Variants in NYAP2 observed in about 807,000 individuals in gnomAD.
NYAP2 encodes neuronal tyrosine-phosphorylated phosphoinositide-3-kinase adaptor 2, also known as neuronal tyrosine-phosphorylated phosphoinositide-3-kinase adapter 2.
Under a neutral mutation model 50.4 loss-of-function variants are expected in NYAP2, and 23 were observed. The observed-to-expected ratio is 0.46, with a 90% CI of 0.33 to 0.65. The LOEUF is 0.65. Among genes scored for constraint, NYAP2 ranks in the 30% least tolerant of loss-of-function variants. The pLI is 0.02. For missense variants in NYAP2, 885 were observed against 861.0 expected, an observed-to-expected ratio of 1.03 and a Z score of -0.35; for synonymous variants, 394 against 365.2, an observed-to-expected ratio of 1.08 and a Z score of -0.90.
intron 4 of NYAP2, among the ~76,000 whole-genome samples, chr2:225,571,557 G>T (rs532563554): frequency 1.3e-5 from 2 of 152,200 alleles, no homozygotes; most frequent in Non-Finnish European, 2.9e-5. Context: ...CAATGGCCGA[G>T]TTGTACCTTG....
At chr2:225,595,498 C>T (rs551011863) in intron 5 of NYAP2, among the ~76,000 whole-genome samples, 217 of 151,990 alleles carry the variant, frequency 1.4e-3, no homozygotes, top group Non-Finnish European at 2.6e-3. Context: ...ATTCTTTTGA[C>T]CATTAGTTAT....
chr2:225,529,730 C>T (rs144521922), intron 4 of NYAP2, among the ~76,000 whole-genome samples: 2,051 of 151,458 alleles, frequency 0.014, 55 homozygotes, highest in African/African-American at 0.048. Context: ...TTTTTTGAGA[C>T]GGAGTCTCAC....
chr2:225,416,748 A>C (rs1281942502), intron 3 of NYAP2, among the ~76,000 whole-genome samples: 1 of 152,098 alleles, frequency 6.6e-6, no homozygotes, highest in Admixed American at 6.6e-5. Context: ...CCTAGCACTT[A>C]TTTTACATTT....
In NYAP2 at chr2:225,535,833, C is replaced by T. The variant is rs1691339852; in HGVS notation, c.523+22161C>T. Among the ~76,000 whole-genome samples, 3 of 152,146 alleles carry T rather than the reference C, an allele frequency of 2.0e-5. No individual in the cohort carries two copies. In the South Asian group the frequency reaches 6.2e-4, roughly 32 times the overall value. ...AGTGCTACATTTCCTATTGAATAAGCTACTCATAATCCTACCTCCATTCCT... is the reference window on the plus strand; with the variant it reads ...AGTGCTACATTTCCTATTGAATAAGTTACTCATAATCCTACCTCCATTCCT... On this transcript the variant is annotated intron_variant, in intron 4 of 6. Transcript: ENST00000636099.
intron 3 of NYAP2, among the ~76,000 whole-genome samples, chr2:225,503,840 T>A (rs994811588): frequency 6.6e-6 from 1 of 152,100 alleles, no homozygotes; most frequent in East Asian, 1.9e-4. Context: ...TATAATTATG[T>A]CCACTGATAA....
At chr2:225,665,125 T>C in the NYAP2 span, among the ~76,000 whole-genome samples, 1 of 152,198 alleles carries the variant, frequency 6.6e-6, no homozygotes, top group African/African-American at 2.4e-5. Flanking sequence ...AATTTCTCCA[T>C]ACATTTTACT....
intron 4 of NYAP2, among the ~76,000 whole-genome samples, chr2:225,546,195 A>G (rs902865713): frequency 3.9e-5 from 6 of 152,032 alleles, no homozygotes; most frequent in Non-Finnish European, 7.4e-5. Context: ...GCTACCACCT[A>G]TGTTCACTCA....
intron 4 of NYAP2, among the ~76,000 whole-genome samples, chr2:225,542,839 G>T (rs1290429423): frequency 6.6e-6 from 1 of 151,948 alleles, no homozygotes; most frequent in East Asian, 1.9e-4. Flanking sequence ...GAGTGGAATT[G>T]GTATTAGTTC....
chr2:225,655,923 C>CACACACACACACAG (rs1693816664), downstream of NYAP2, among the ~76,000 whole-genome samples: 1 of 110,010 alleles, frequency 9.1e-6, no homozygotes, highest in South Asian at 3.0e-4. Flanking sequence ...CACACACACA[C>CACACACACACACAG]ACACATACAC....
chr2:225,551,846 C>G (rs998525522), intron 4 of NYAP2, among the ~76,000 whole-genome samples: 1 of 152,216 alleles, frequency 6.6e-6, no homozygotes, highest in Admixed American at 6.5e-5. Context: ...GAGTTTTACT[C>G]TTGTTGCCTA....
the NYAP2 span, among the ~76,000 whole-genome samples, chr2:225,690,798 T>C: frequency 6.6e-6 from 1 of 152,112 alleles, no homozygotes; most frequent in African/African-American, 2.4e-5. Flanking sequence ...CCAAACTCAA[T>C]AGGAAAAATA....
At chr2:225,542,688 A>AT (rs1485843906) in intron 4 of NYAP2, among the ~76,000 whole-genome samples, 1 of 152,006 alleles carries the variant, frequency 6.6e-6, no homozygotes, top group East Asian at 1.9e-4. Flanking sequence ...TTTGTTGAGG[A>AT]TTTTTGCATC....
At chr2:225,455,934 A>C (rs755861253) in intron 3 of NYAP2, among the ~76,000 whole-genome samples, 4 of 152,202 alleles carry the variant, frequency 2.6e-5, no homozygotes, top group Non-Finnish European at 5.9e-5. Flanking sequence ...AATTTTAAAG[A>C]GTCTGATGCG....
At chr2:225,493,389 A>G (rs954590360) in intron 3 of NYAP2, among the ~76,000 whole-genome samples, 12 of 152,238 alleles carry the variant, frequency 7.9e-5, no homozygotes, top group Non-Finnish European at 7.3e-5. Context: ...AGCAAGAAGC[A>G]TGGCTGATAC....
the NYAP2 span, among the ~76,000 whole-genome samples, chr2:225,687,642 A>G: frequency 2.0e-5 from 3 of 152,204 alleles, no homozygotes; most frequent in Admixed American, 1.3e-4. Context: ...ATAAATATAT[A>G]ATATATGCAC....
chr2:225,484,544 C>T (rs905707348), intron 3 of NYAP2, among the ~76,000 whole-genome samples: 3 of 152,220 alleles, frequency 2.0e-5, no homozygotes, highest in African/African-American at 7.2e-5. Flanking sequence ...GATTAAATTA[C>T]TTACCAGAGC....
intron 3 of NYAP2, among the ~76,000 whole-genome samples, chr2:225,419,945 C>A (rs900683895): frequency 1.3e-5 from 2 of 152,158 alleles, no homozygotes; most frequent in Non-Finnish European, 2.9e-5. Context: ...TATCAATGTA[C>A]ACATATTTTG....
At chr2:225,632,377 G>T (rs749719928) in intron 6 of NYAP2, among the ~76,000 whole-genome samples, 26 of 152,054 alleles carry the variant, frequency 1.7e-4, no homozygotes, top group Admixed American at 3.9e-4. Flanking sequence ...TCAACTTTCT[G>T]CTTCTGCGTC....
rs188826454 is a variant in NYAP2 at position 225,525,683 on chromosome 2, A to C, written c.523+12011A>C. ...TCATCTAGTGGATACAATGTGCACT[A>C]TTTGAATGATGGGTACAACAAAAGC... On this transcript the variant is annotated intron_variant, in intron 4 of 6. Coordinates refer to ENST00000636099, the Ensembl canonical transcript of NYAP2. 1.5e-4 allele frequency among the ~76,000 whole-genome samples: 23 copies of C among 152,274 alleles called. No individual in the cohort carries two copies. In the East Asian group the frequency reaches 3.9e-3, roughly 26 times the overall value.
Sources: gnomAD v4.1 joint callset for allele counts (sites outside exome capture counted in the v4.1 genomes callset) on GRCh38, gnomAD v4.1.1 for gene constraint, MANE v1.5 for transcripts, NCBI Gene and HGNC (gene_info 2026-07-23, HGNC 2026-07-21) for gene names.